The following CACNA2D3 variants were observed in gnomAD, a reference collection of about 807,000 sequenced individuals.
CACNA2D3 encodes the protein calcium voltage-gated channel auxiliary subunit alpha2delta 3, also known as voltage-dependent calcium channel subunit alpha-2/delta-3.
Under a neutral mutation model 160.6 loss-of-function variants are expected in CACNA2D3, and 60 were observed. The observed-to-expected ratio is 0.37, with a 90% confidence interval of 0.30 to 0.46. The LOEUF (loss-of-function observed/expected upper bound fraction) is 0.46, where lower values mean the gene tolerates loss of function less well. Among genes scored for constraint, CACNA2D3 ranks in the 20% least tolerant of loss-of-function variants. CACNA2D3 has a pLI of 1.00. For missense variants in CACNA2D3, 1,205 were observed against 1,365.0 expected, an observed-to-expected ratio of 0.88 and a Z score of 1.85; for synonymous variants, 558 against 492.9, an observed-to-expected ratio of 1.13 and a Z score of -1.75.
At chr3:54,739,749 ATATGTG>A (rs1372069805) in intron 11 of CACNA2D3, among the ~76,000 whole-genome samples, 4 of 80,726 alleles carry the variant, frequency 5.0e-5, no homozygotes, top group African/African-American at 1.7e-4. Context: ...TTCTCCTCAT[ATATGTG>A]TGTGTGTGTG....
At chr3:54,260,737 G>A (rs1372946142) in intron 2 of CACNA2D3, among the ~76,000 whole-genome samples, 3 of 151,566 alleles carry the variant, frequency 2.0e-5, no homozygotes, top group Non-Finnish European at 4.4e-5. Flanking sequence ...CCTTAAACAT[G>A]CCAAGCCCTT....
chr3:54,468,192 C>T (rs111561677), intron 4 of CACNA2D3, among the ~76,000 whole-genome samples: 24 of 152,286 alleles, frequency 1.6e-4, no homozygotes, highest in African/African-American at 3.6e-4. Flanking sequence ...GCGAGATCAA[C>T]GTAGAAGGCG....
intron 2 of CACNA2D3, among the ~76,000 whole-genome samples, chr3:54,183,057 C>T (rs1250166049): frequency 2.6e-5 from 4 of 151,956 alleles, no homozygotes; most frequent in Non-Finnish European, 4.4e-5. Context: ...CTGTATTTGT[C>T]GTTTCTGAAG....
chr3:54,517,755 C>T (rs1289230461), intron 5 of CACNA2D3, among the ~76,000 whole-genome samples: 1 of 152,182 alleles, frequency 6.6e-6, no homozygotes, highest in African/African-American at 2.4e-5. Context: ...CTCCTGATGC[C>T]CCCAAGGCTG....
chr3:54,315,133 G>T (rs990802703), intron 2 of CACNA2D3, among the ~76,000 whole-genome samples: 1 of 152,172 alleles, frequency 6.6e-6, no homozygotes, highest in Admixed American at 6.5e-5. Flanking sequence ...GTCTTTCTTG[G>T]TACTTTAGGG....
chr3:54,627,735 T>C, intron 9 of CACNA2D3, 52 bp from the exon 10 acceptor site: 2 of 1,063,002 alleles, frequency 1.9e-6, no homozygotes, highest in Non-Finnish European at 2.9e-6. Context: ...TCAAGGTTGG[T>C]GTTTCACATA....
chr3:54,235,232 G>T (rs72976265), intron 2 of CACNA2D3, among the ~76,000 whole-genome samples: 2 of 152,050 alleles, frequency 1.3e-5, no homozygotes, highest in African/African-American at 4.8e-5. Context: ...CAACTGAGAA[G>T]GATCCTGTAT....
chr3:54,713,645 T>C (rs1700996106), intron 11 of CACNA2D3, among the ~76,000 whole-genome samples: 1 of 152,186 alleles, frequency 6.6e-6, no homozygotes, highest in Non-Finnish European at 1.5e-5. Flanking sequence ...GTCTGGAAAG[T>C]TCACACAACG....
chr3:54,847,554 G>C (rs1882319), intron 17 of CACNA2D3, among the ~76,000 whole-genome samples: 21,909 of 152,164 alleles, frequency 0.14, 1,810 homozygotes, highest in African/African-American at 0.22. Flanking sequence ...CCATCATCAT[G>C]CAACTTTGCT....
chr3:54,411,318 A>T (rs545392961), intron 4 of CACNA2D3, among the ~76,000 whole-genome samples: 1 of 152,372 alleles, frequency 6.6e-6, no homozygotes, highest in South Asian at 2.1e-4. Context: ...AAATGCTATC[A>T]AACAACATTG....
chr3:54,602,714 C>T (rs543295331), intron 9 of CACNA2D3, among the ~76,000 whole-genome samples: 34 of 152,166 alleles, frequency 2.2e-4, no homozygotes, highest in South Asian at 1.9e-3. Flanking sequence ...CAAAAGAGTA[C>T]TGACATAATA....
chr3:54,280,934 A>C (rs140313359), intron 2 of CACNA2D3, among the ~76,000 whole-genome samples: 1 of 152,308 alleles, frequency 6.6e-6, no homozygotes, highest in East Asian at 1.9e-4. Flanking sequence ...GGTGTTGAGC[A>C]TACTACTTTC....
At chr3:54,790,434 G>C (rs1211215955) in intron 13 of CACNA2D3, among the ~76,000 whole-genome samples, 2 of 152,228 alleles carry the variant, frequency 1.3e-5, no homozygotes, top group African/African-American at 2.4e-5. Context: ...AGCTGGTGAA[G>C]TAAGTGTGCA....
At chr3:54,573,044 A>C (rs2106724830) in intron 8 of CACNA2D3, among the ~76,000 whole-genome samples, 1 of 152,308 alleles carries the variant, frequency 6.6e-6, no homozygotes, top group Non-Finnish European at 1.5e-5. Flanking sequence ...AGAAGAGTTA[A>C]GAAAAAAAAT....
At chr3:54,643,869 T>C (rs1699579042) in intron 11 of CACNA2D3, among the ~76,000 whole-genome samples, 1 of 152,188 alleles carries the variant, frequency 6.6e-6, no homozygotes, top group African/African-American at 2.4e-5. Flanking sequence ...ATGGACATTT[T>C]GCAGCCAAAT....
chr3:54,575,590 G>C (rs1005991748), intron 8 of CACNA2D3, among the ~76,000 whole-genome samples: 1 of 152,184 alleles, frequency 6.6e-6, no homozygotes, highest in Non-Finnish European at 1.5e-5. Context: ...TAGGTTTTCT[G>C]TGTGTGAGCC....
At chr3:54,867,929 C>G (rs1230890550) in intron 17 of CACNA2D3, among the ~76,000 whole-genome samples, 3 of 152,192 alleles carry the variant, frequency 2.0e-5, no homozygotes, top group Admixed American at 6.5e-5. Flanking sequence ...ATGGTTGTAC[C>G]TTCACTAGAA....
In CACNA2D3 at chr3:54,199,596, C is replaced by T. The variant is rs561609544; in HGVS notation, c.204+76002C>T. On this transcript the variant is annotated intron_variant, in intron 2 of 37. Coordinates refer to ENST00000474759, the MANE Select transcript of CACNA2D3 (RefSeq NM_018398.3). ...CCATGTTCCCCAGGCTGTCCTAGAA[C>T]TCCTATTTTCTTCTTTTTTAGATGA... Among the ~76,000 whole-genome samples, 5 of 147,408 alleles carry T rather than the reference C, an allele frequency of 3.4e-5. No individual in the cohort carries two copies. In the South Asian group the frequency reaches 1.1e-3, roughly 31 times the overall value.
intron 3 of CACNA2D3, among the ~76,000 whole-genome samples, chr3:54,346,148 G>A (rs1484386806): frequency 1.3e-5 from 2 of 152,152 alleles, no homozygotes; most frequent in African/African-American, 2.4e-5. Context: ...GTTCAGGCCT[G>A]ATTCCTGGTG....
Sources: allele counts gnomAD v4.1 joint callset (sites outside exome capture counted in the v4.1 genomes callset), GRCh38; gene constraint gnomAD v4.1.1; transcripts MANE v1.5; gene names NCBI Gene and HGNC (gene_info 2026-07-23, HGNC 2026-07-21).